Variants in CHST9 observed in about 807,000 individuals in gnomAD.
CHST9 encodes the protein carbohydrate sulfotransferase 9, also known as GalNAc-4-sulfotransferase 2.
A neutral mutation model predicts 44.4 loss-of-function variants in CHST9; 41 were observed. The ratio of observed to expected loss-of-function variants is 0.92; its 90% CI spans 0.72 to 1.20. The LOEUF is 1.20. Ranked by LOEUF, CHST9 falls within the 50% of genes most tolerant of loss-of-function variation. The probability of loss-of-function intolerance (pLI) is 0.00; values close to 1 mark genes in which losing one functional copy is unlikely to be tolerated. For missense variants in CHST9, 504 were observed against 516.5 expected (o/e 0.98, Z 0.23); for synonymous variants, 171 against 178.4 (o/e 0.96, Z 0.33).
At chr18:27,145,804 C>T (rs991819940) in intron 1 of CHST9, among the ~76,000 whole-genome samples, 22 of 152,114 alleles carry the variant, frequency 1.4e-4, no homozygotes, top group African/African-American at 4.3e-4. Flanking sequence ...GAACAGTTCC[C>T]GAGGGAGACT....
At chr18:27,116,510 T>C (rs1219668277) in intron 2 of CHST9, among the ~76,000 whole-genome samples, 1 of 152,178 alleles carries the variant, frequency 6.6e-6, no homozygotes, top group Non-Finnish European at 1.5e-5. Flanking sequence ...TTATGGTAAG[T>C]TTTAAAATTG....
intron 4 of CHST9, among the ~76,000 whole-genome samples, chr18:26,990,698 C>T (rs982227541): frequency 2.6e-5 from 4 of 152,190 alleles, no homozygotes; most frequent in Admixed American, 2.6e-4. Flanking sequence ...GTGTCTCATT[C>T]CTCATGCACC....
chr18:26,988,052 A>G (rs2056774798), intron 4 of CHST9, among the ~76,000 whole-genome samples: 1 of 152,118 alleles, frequency 6.6e-6, no homozygotes, highest in Non-Finnish European at 1.5e-5. Context: ...TCTACCCTAA[A>G]AGAATGACCA....
chr18:27,104,772 C>A (rs2058206171), intron 2 of CHST9, among the ~76,000 whole-genome samples: 1 of 152,102 alleles, frequency 6.6e-6, no homozygotes, highest in Admixed American at 6.6e-5. Context: ...TTAGGACAAA[C>A]AATTATAGCC....
At chr18:27,073,988 A>G (rs1217616030) in intron 2 of CHST9, among the ~76,000 whole-genome samples, 1 of 152,154 alleles carries the variant, frequency 6.6e-6, no homozygotes, top group African/African-American at 2.4e-5. Context: ...TTCATCTTTG[A>G]TAAGTAGCAA....
chr18:27,073,811 CTATT>C (rs544011328), intron 2 of CHST9, among the ~76,000 whole-genome samples: 8 of 152,036 alleles, frequency 5.3e-5, no homozygotes, highest in African/African-American at 1.4e-4. Flanking sequence ...CTTTTTGTGA[CTATT>C]TATATATATA....
At chr18:27,122,949 T>C (rs2058387493) in intron 2 of CHST9, among the ~76,000 whole-genome samples, 1 of 152,136 alleles carries the variant, frequency 6.6e-6, no homozygotes, top group African/African-American at 2.4e-5. Context: ...TTCCTCATGG[T>C]TTAGGTGAGG....
intron 4 of CHST9, among the ~76,000 whole-genome samples, chr18:27,020,367 T>C (rs1017147171): frequency 1.3e-5 from 2 of 152,162 alleles, no homozygotes; most frequent in African/African-American, 4.8e-5. Flanking sequence ...GCAAGGTGCT[T>C]GGAAGTGAAT....
chr18:27,136,474 C>A (rs928041519), intron 2 of CHST9, among the ~76,000 whole-genome samples: 44 of 152,166 alleles, frequency 2.9e-4, no homozygotes, highest in African/African-American at 1.0e-3. Flanking sequence ...CTCTACAATG[C>A]TCACCATCTC....
intron 2 of CHST9, among the ~76,000 whole-genome samples, chr18:27,065,332 T>C (rs2057769640): frequency 6.6e-6 from 1 of 152,138 alleles, no homozygotes; most frequent in Non-Finnish European, 1.5e-5. Flanking sequence ...ATAGATAGTA[T>C]TAAAAACACA....
intron 2 of CHST9, among the ~76,000 whole-genome samples, chr18:27,131,483 A>G (rs542743537): frequency 6.6e-6 from 1 of 152,292 alleles, no homozygotes; most frequent in East Asian, 1.9e-4. Context: ...CCTGGGAGGC[A>G]GAGATTGCAG....
intron 2 of CHST9, among the ~76,000 whole-genome samples, chr18:27,053,250 A>AGAAGG (rs2057601884): frequency 3.4e-5 from 3 of 87,222 alleles, no homozygotes; most frequent in African/African-American, 1.2e-4. Context: ...GAAGAAGAAG[A>AGAAGG]AGAAGAAGAA....
chr18:27,090,805 A>G (rs1193949175), intron 2 of CHST9, among the ~76,000 whole-genome samples: 3 of 152,032 alleles, frequency 2.0e-5, no homozygotes, highest in African/African-American at 7.3e-5. Context: ...ATTGGTCTAT[A>G]TATCTATTTT....
In CHST9 at chr18:26,906,872, A is replaced by G. The variant is rs1252635253; in HGVS notation, c.*9387T>C. The G allele has an allele frequency of 6.6e-6, 1 of 152,276 alleles. No individual in the cohort carries two copies. Among genetic ancestry groups the G allele is most frequent in the South Asian group, 2.1e-4 (1 of 4,836 alleles). The allele number at this position is 152,276 out of a possible 1,614,324, so 9.4% of individuals were successfully genotyped here. A position where few individuals can be genotyped will look rare whatever the true frequency, so the allele number is the denominator to read the frequency against. On this transcript the variant is annotated 3_prime_UTR_variant, in exon 6 of 6. Transcript: ENST00000618847. ...CCTAATAGAGGGACAAGCTGAGTAG[A>G]CCCAGGAGGAAGAAAACTATCCAAT...
chr18:27,053,937 C>G (rs1568151694), intron 2 of CHST9, among the ~76,000 whole-genome samples: 2 of 152,168 alleles, frequency 1.3e-5, no homozygotes, highest in South Asian at 2.1e-4. Context: ...AGTGAAGCAC[C>G]CTTCTTCTGT....
chr18:26,995,851 T>C (rs2056881854), intron 4 of CHST9, among the ~76,000 whole-genome samples: 1 of 152,218 alleles, frequency 6.6e-6, no homozygotes, highest in South Asian at 2.1e-4. Context: ...ATGTAATTGA[T>C]TTACATTTTC....
chr18:26,935,410 T>C (rs975608032), intron 5 of CHST9: 1 of 152,110 alleles, frequency 6.6e-6, no homozygotes, highest in Non-Finnish European at 1.5e-5. Flanking sequence ...GAAGCATGTG[T>C]TCAATTTTGG....
intron 2 of CHST9, among the ~76,000 whole-genome samples, chr18:27,111,018 A>T (rs2058266321): frequency 6.6e-6 from 1 of 152,270 alleles, no homozygotes; most frequent in Admixed American, 6.5e-5. Flanking sequence ...GAATGGCTTT[A>T]AAGTCTATCA....
intron 2 of CHST9, among the ~76,000 whole-genome samples, chr18:27,094,283 C>T (rs2058095931): frequency 6.6e-6 from 1 of 151,978 alleles, no homozygotes; most frequent in African/African-American, 2.4e-5. Flanking sequence ...TTATTGAACA[C>T]TTGATAAAGA....
Sources: allele counts gnomAD v4.1 joint callset (sites outside exome capture counted in the v4.1 genomes callset), GRCh38; gene constraint gnomAD v4.1.1; transcripts MANE v1.5; gene names NCBI Gene and HGNC (gene_info 2026-07-23, HGNC 2026-07-21).